DPP10: variants seen among roughly 807,000 people sequenced by gnomAD.
The protein encoded by DPP10 is inactive dipeptidyl peptidase 10.
Under a neutral mutation model 120.9 loss-of-function variants are expected in DPP10, and 33 were observed. The ratio of observed to expected loss-of-function variants is 0.27; its 90% CI spans 0.21 to 0.37. DPP10 has a LOEUF of 0.37. DPP10 is among the 10% of genes least tolerant of loss of function. The pLI is 1.00. For synonymous variants in DPP10, 337 were observed against 326.1 expected (o/e 1.03, Z -0.36); for missense variants, 816 against 942.8 (o/e 0.87, Z 1.76).
intron 1 of DPP10, among the ~76,000 whole-genome samples, chr2:115,205,056 T>G (rs1052018409): frequency 2.0e-5 from 3 of 152,138 alleles, no homozygotes; most frequent in Non-Finnish European, 4.4e-5. Flanking sequence ...GTTTACTTTG[T>G]ATATAGTTTC....
chr2:115,556,945 A>G (rs1033437803), intron 5 of DPP10, among the ~76,000 whole-genome samples: 1 of 152,160 alleles, frequency 6.6e-6, no homozygotes, highest in Non-Finnish European at 1.5e-5. Context: ...ATATTGTGAC[A>G]TTTGCCCAAA....
intron 1 of DPP10, among the ~76,000 whole-genome samples, chr2:115,163,088 G>T (rs1043639533): frequency 2.0e-5 from 3 of 152,146 alleles, no homozygotes; most frequent in African/African-American, 4.8e-5. Context: ...TTCGGAGTGC[G>T]CTGCGAAGGC....
intron 1 of DPP10, among the ~76,000 whole-genome samples, chr2:115,290,916 C>A (rs1368477566): frequency 6.6e-6 from 1 of 152,040 alleles, no homozygotes; most frequent in Non-Finnish European, 1.5e-5. Flanking sequence ...GCAAGGTAAT[C>A]CCTGCTAATC....
chr2:115,688,910 C>CG (rs2091157117), intron 5 of DPP10, among the ~76,000 whole-genome samples: 3 of 152,116 alleles, frequency 2.0e-5, no homozygotes, highest in African/African-American at 7.2e-5. Flanking sequence ...TATCTCACTT[C>CG]AACTTCACCA....
In DPP10 at chr2:115,791,199, A is replaced by G. The variant is rs569220343; in HGVS notation, c.1630+20A>G. On this transcript the variant is annotated intron_variant, in intron 18 of 25. Coordinates refer to ENST00000410059, the MANE Select transcript of DPP10 (RefSeq NM_020868.6). Reference sequence around the variant, plus strand: ...ACTATGGTAAAATTTTGTGCATGCTATGTTATTCAAGAACAACTTTCTCTG... The same window carrying G: ...ACTATGGTAAAATTTTGTGCATGCTGTGTTATTCAAGAACAACTTTCTCTG... 9.9e-6 allele frequency: 16 copies of G among 1,608,990 alleles called. No individual in the cohort carries two copies. Among genetic ancestry groups the G allele is most frequent in the African/African-American group, 2.7e-5 (2 of 74,768 alleles).
intron 13 of DPP10, among the ~76,000 whole-genome samples, chr2:115,775,330 A>T (rs1285897103): frequency 6.6e-6 from 1 of 152,070 alleles, no homozygotes; most frequent in Non-Finnish European, 1.5e-5. Context: ...TTGAATCTAT[A>T]AGAGCTGTCA....
At chr2:115,227,133 C>A (rs2057473573) in intron 1 of DPP10, among the ~76,000 whole-genome samples, 1 of 152,076 alleles carries the variant, frequency 6.6e-6, no homozygotes, top group Non-Finnish European at 1.5e-5. Flanking sequence ...TGCGTGGGAC[C>A]AATCTTCTCA....
intron 3 of DPP10, among the ~76,000 whole-genome samples, chr2:115,376,223 T>C (rs571810289): frequency 6.6e-6 from 1 of 152,306 alleles, no homozygotes; most frequent in African/African-American, 2.4e-5. Flanking sequence ...CATTTTGTTA[T>C]AAATTTTATG....
chr2:115,694,878 A>G (rs1277827149), intron 7 of DPP10, among the ~76,000 whole-genome samples: 1 of 152,192 alleles, frequency 6.6e-6, no homozygotes, highest in Non-Finnish European at 1.5e-5. Flanking sequence ...TTCATCTTGC[A>G]GGAACCAGGA....
chr2:115,590,151 T>TTATTATTA (rs2082547747), intron 5 of DPP10, among the ~76,000 whole-genome samples: 1 of 138,774 alleles, frequency 7.2e-6, no homozygotes, highest in African/African-American at 2.7e-5. Flanking sequence ...ATTTGTTTTC[T>TTATTATTA]TTATTATTAT....
chr2:114,442,709 A>C lies in DPP10; in HGVS notation c.-70A>C. The C allele has an allele frequency of 1.3e-6, 2 of 1,585,388 alleles. No homozygotes were observed. The highest frequency in any genetic ancestry group is 1.7e-6 in the Non-Finnish European group (2 of 1,158,048). ...GCAGCAGCCCCTACTGAAGTCCAATAGAGGAGACTTGATCTCTAGTTCATT... is the reference window on the plus strand; with the variant it reads ...GCAGCAGCCCCTACTGAAGTCCAATCGAGGAGACTTGATCTCTAGTTCATT... On this transcript the variant is annotated 5_prime_UTR_variant, in exon 1 of 26. Coordinates refer to ENST00000410059, the MANE Select transcript of DPP10 (RefSeq NM_020868.6).
At chr2:115,633,062 C>A (rs1269741133) in intron 5 of DPP10, among the ~76,000 whole-genome samples, 1 of 152,112 alleles carries the variant, frequency 6.6e-6, no homozygotes, top group Non-Finnish European at 1.5e-5. Flanking sequence ...ACCATTTGAC[C>A]CAGCCATCCC....
At chr2:115,090,051 TC>T (rs761066977) in intron 1 of DPP10, among the ~76,000 whole-genome samples, 88 of 152,136 alleles carry the variant, frequency 5.8e-4, no homozygotes, top group Non-Finnish European at 5.6e-4. Flanking sequence ...TTTTTTTTTT[TC>T]ATGTCTAATT....
chr2:114,830,784 A>AAATAGT (rs1687032109), intron 1 of DPP10, among the ~76,000 whole-genome samples: 1 of 152,182 alleles, frequency 6.6e-6, no homozygotes, highest in Non-Finnish European at 1.5e-5. Flanking sequence ...TTACTGTATT[A>AAATAGT]AATAGTAACT....
chr2:114,869,080 T>G (rs959100773), intron 1 of DPP10, among the ~76,000 whole-genome samples: 7 of 152,128 alleles, frequency 4.6e-5, no homozygotes, highest in African/African-American at 1.4e-4. Context: ...TTGGTTTTAT[T>G]TTATTTAAGA....
chr2:115,539,342 GTGCCAGGAAGGCAGAT>G (rs2079048928), intron 5 of DPP10, among the ~76,000 whole-genome samples: 1 of 151,894 alleles, frequency 6.6e-6, no homozygotes, highest in African/African-American at 2.4e-5. Context: ...ATATGAAATG[GTGCCAGGAAGGCAGAT>G]TTTGGCTCCA....
At chr2:114,570,346 G>A (rs941700678) in intron 1 of DPP10, among the ~76,000 whole-genome samples, 1 of 152,100 alleles carries the variant, frequency 6.6e-6, no homozygotes, top group African/African-American at 2.4e-5. Flanking sequence ...AAATGGGAAA[G>A]GGCAGTTCTC....
rs928787535 is a variant in DPP10 at position 115,662,384 on chromosome 2, A to T, written c.442-27303A>T. On this transcript the variant is annotated intron_variant, in intron 5 of 25. Coordinates refer to ENST00000410059, the MANE Select transcript of DPP10 (RefSeq NM_020868.6). ...TTGTATCCTTTGAAAATGTGCCAAG[A>T]ATCAAGGTTGTTGTATCATAAGATA... 3.3e-5 allele frequency among the ~76,000 whole-genome samples: 5 copies of T among 151,974 alleles called. No homozygotes were observed. In the East Asian group the frequency reaches 9.6e-4, roughly 29 times the overall value.
chr2:115,435,450 A>C (rs2071408093), intron 3 of DPP10, among the ~76,000 whole-genome samples: 1 of 151,776 alleles, frequency 6.6e-6, no homozygotes, highest in African/African-American at 2.4e-5. Flanking sequence ...ATGATTAGTG[A>C]TGTTCAACAT....
Sources: gnomAD v4.1 joint callset for allele counts (sites outside exome capture counted in the v4.1 genomes callset) on GRCh38, gnomAD v4.1.1 for gene constraint, MANE v1.5 for transcripts, NCBI Gene and HGNC (gene_info 2026-07-23, HGNC 2026-07-21) for gene names.